The following NUP98 variants were observed in gnomAD, a reference collection of about 807,000 sequenced individuals.
NUP98 encodes the protein nucleoporin 98 and 96 precursor.
Under a neutral mutation model 191.9 loss-of-function variants are expected in NUP98, and 26 were observed. The ratio of observed to expected loss-of-function variants is 0.14; its 90% CI spans 0.10 to 0.19. The LOEUF is 0.19. Among genes scored for constraint, NUP98 ranks in the 10% least tolerant of loss-of-function variants. NUP98 has a pLI of 1.00. For missense variants in NUP98, 1,941 were observed against 2,178.8 expected, an observed-to-expected ratio of 0.89 and a Z score of 2.17; for synonymous variants, 808 against 778.4, an observed-to-expected ratio of 1.04 and a Z score of -0.63.
chr11:3,707,750 A>AAAAAAAAAAAAAAAAAAAAC (rs2078904034), intron 20 of NUP98, among the ~76,000 whole-genome samples: 2 of 149,354 alleles, frequency 1.3e-5, no homozygotes, highest in South Asian at 2.1e-4. Flanking sequence ...AAAAAAAAAA[A>AAAAAAAAAAAAAAAAAAAAC]AAAATCCTGA....
At chr11:3,773,453 A>G (rs373634451) in intron 6 of NUP98, among the ~76,000 whole-genome samples, 179 bp downstream of exon 6, 2 of 152,200 alleles carry the variant, frequency 1.3e-5, no homozygotes, top group East Asian at 3.9e-4. Flanking sequence ...ATCCCTGCCT[A>G]AACAAGTAGA....
chr11:3,680,110 T>C (rs1476794858), intron 30 of NUP98, among the ~76,000 whole-genome samples: 1 of 152,244 alleles, frequency 6.6e-6, no homozygotes, highest in Non-Finnish European at 1.5e-5. Context: ...TTGATGCTGA[T>C]GGCTGCTGAC....
intron 1 of NUP98, among the ~76,000 whole-genome samples, chr11:3,790,063 G>T (rs965071171): frequency 3.3e-5 from 5 of 152,136 alleles, no homozygotes; most frequent in Admixed American, 1.3e-4. Context: ...CATTACAGGC[G>T]TGAGCCACGG....
At chr11:3,689,263 G>A (rs943711798) in intron 28 of NUP98, among the ~76,000 whole-genome samples, 3 of 151,744 alleles carry the variant, frequency 2.0e-5, no homozygotes, top group Non-Finnish European at 4.4e-5. Flanking sequence ...GCAGTGGCTC[G>A]CGCCTGTAAT....
At position 3,762,939 on chromosome 11, in the gene NUP98, A is replaced by G. The variant is rs2081221622; in HGVS notation, c.1049T>C (p.Phe350Ser). The part of the protein sequence containing the change: ...GTAFGTGTGL[F>S]GQTNTGFGAV... ...ACCAAATCCAGTATTGGTCTGCCCA[A>G]AGAGACCTGTTCCTGTTCCAAATGC... Residue 350 changes from phenylalanine (F) to serine (S), a missense_variant, in exon 9 of 33, where the codon TTT becomes TCT. Coordinates refer to ENST00000324932, the MANE Select transcript of NUP98 (RefSeq NM_016320.5). The G allele has an allele frequency of 1.9e-6, 3 of 1,613,984 alleles. No individual in the cohort carries two copies. Among genetic ancestry groups the G allele is most frequent in the African/African-American group, 1.3e-5 (1 of 74,902 alleles).
chr11:3,733,208 T>G (rs1246610867), intron 13 of NUP98, among the ~76,000 whole-genome samples: 3 of 152,200 alleles, frequency 2.0e-5, no homozygotes, highest in Non-Finnish European at 4.4e-5. Context: ...CTCTTCCCTT[T>G]GCAACTATGA....
chr11:3,722,488 G>C (rs1050260588), intron 16 of NUP98, among the ~76,000 whole-genome samples: 2 of 151,634 alleles, frequency 1.3e-5, no homozygotes, highest in African/African-American at 4.9e-5. Context: ...ATGGCAATAA[G>C]AAAACTAAAT....
chr11:3,768,218 G>A lies in NUP98; in HGVS notation c.948+363C>T, dbSNP rs953626815. 4.6e-5 allele frequency among the ~76,000 whole-genome samples: 7 copies of A among 151,920 alleles called. No individual in the cohort carries two copies. The South Asian group carries it at 1.0e-3, about 23-fold the overall frequency. On this transcript the variant is annotated intron_variant, in intron 8 of 32. Transcript: ENST00000324932. The stretch of plus-strand genomic sequence containing the variant: ...GGGCGGATCACGAGGTCAGGAGATC[G>A]AGACCATCCTGGCAAACACGGTGAA...
At position 3,675,228 on chromosome 11, in the gene NUP98, A is replaced by C. The variant is rs35493115; in HGVS notation, c.*931T>G. The C allele has an allele frequency of 0.013, 2,892 of 217,304 alleles. 37 individuals are homozygous for C. Among genetic ancestry groups the C allele is most frequent in the Admixed American group, 0.034 (587 of 17,146 alleles). The allele number at this position is 217,304 out of a possible 1,614,324, so 13.5% of individuals were successfully genotyped here. On this transcript the variant is annotated 3_prime_UTR_variant, in exon 33 of 33. Transcript: ENST00000324932. The stretch of plus-strand genomic sequence containing the variant: ...CCTGGGGCTCCCTATAGCTGTCAGC[A>C]GTGTAGCAAAGGCCCTCTGCCTGCC...
Position 3,735,329 on chromosome 11 carries a change from T to TAAA in NUP98, c.1409-8_1409-6dup. The TAAA allele has an allele frequency of 1.6e-5, 17 of 1,079,064 alleles. No individual in the cohort carries two copies. Among genetic ancestry groups the TAAA allele is most frequent in the South Asian group, 9.2e-5 (4 of 43,288 alleles). The allele number at this position is 1,079,064 out of a possible 1,614,324, so 66.8% of individuals were successfully genotyped here. ...AAGCATTTGGATCTGTCAAAGCTTT[T>TAAA]AAAAAAAAAAAAAGAAAACAAAATA... On this transcript the variant is annotated splice_region_variant and splice_polypyrimidine_tract_variant and intron_variant, in intron 12 of 32. Coordinates refer to ENST00000324932, the MANE Select transcript of NUP98 (RefSeq NM_016320.5).
intron 18 of NUP98, among the ~76,000 whole-genome samples, chr11:3,715,421 C>T (rs897588035): frequency 6.6e-6 from 1 of 151,980 alleles, no homozygotes; most frequent in Non-Finnish European, 1.5e-5. Context: ...GCGTGAGCCA[C>T]CACGCCCGGC....
At chr11:3,713,741 A>T (rs1262341288) in intron 19 of NUP98, 77 bp downstream of exon 19, 2 of 1,372,738 alleles carry the variant, frequency 1.5e-6, no homozygotes, top group Non-Finnish European at 2.0e-6. Context: ...AATTTAGCAA[A>T]GGATCCCTTC....
At chr11:3,746,564 T>C (rs2080508883) in intron 11 of NUP98, among the ~76,000 whole-genome samples, 1 of 151,734 alleles carries the variant, frequency 6.6e-6, no homozygotes, top group Non-Finnish European at 1.5e-5. Flanking sequence ...CGATGACCCA[T>C]GAATCATTCT....
At chr11:3,691,597 A>G in intron 27 of NUP98, 108 bp from the exon 28 acceptor site, 1 of 1,090,904 alleles carries the variant, frequency 9.2e-7, no homozygotes. Context: ...TCTGTCACCC[A>G]GGCTGGAGTG....
At chr11:3,718,528 T>A (rs1179029674) in intron 18 of NUP98, among the ~76,000 whole-genome samples, 2 of 150,948 alleles carry the variant, frequency 1.3e-5, no homozygotes, top group Non-Finnish European at 3.0e-5. Context: ...GGAGTGAAAC[T>A]CTGTCTCAAA....
chr11:3,746,193 C>T lies in NUP98; in HGVS notation c.1268-1544G>A, dbSNP rs553727199. Among the ~76,000 whole-genome samples, 12 of 135,468 alleles carry T rather than the reference C, an allele frequency of 8.9e-5. No individual in the cohort carries two copies. The South Asian group carries it at 1.5e-3, about 17-fold the overall frequency. 88.9% of individuals were successfully genotyped at this position (135,468 alleles called of 152,430 possible). A position where few individuals can be genotyped will look rare whatever the true frequency, so the allele number is the denominator to read the frequency against. On this transcript the variant is annotated intron_variant, in intron 11 of 32. Transcript: ENST00000324932. Reference sequence around the variant, plus strand: ...CTGAGGCAGGAGAATCGCTTGAACCCGGGAGGTGGAGGTTGCGGTGAGCCA... The same window carrying T: ...CTGAGGCAGGAGAATCGCTTGAACCTGGGAGGTGGAGGTTGCGGTGAGCCA...
chr11:3,796,950 A>C (rs1344127019), intron 1 of NUP98, among the ~76,000 whole-genome samples: 1 of 152,190 alleles, frequency 6.6e-6, no homozygotes, highest in Non-Finnish European at 1.5e-5. Flanking sequence ...CAAACTTCGG[A>C]CTCACCCTAA....
chr11:3,729,596 G>C (rs920254265), intron 14 of NUP98, among the ~76,000 whole-genome samples: 1 of 148,380 alleles, frequency 6.7e-6, no homozygotes, highest in African/African-American at 2.5e-5. Context: ...GTGGGCCTGT[G>C]GTCTCAGCTA....
At chr11:3,726,774 C>T (rs2079636164) in intron 14 of NUP98, among the ~76,000 whole-genome samples, 1 of 151,482 alleles carries the variant, frequency 6.6e-6, no homozygotes, top group Admixed American at 6.6e-5. Context: ...ATTAGATTAC[C>T]AACTTTTCTT....
Sources: allele counts gnomAD v4.1 joint callset (sites outside exome capture counted in the v4.1 genomes callset), GRCh38; gene constraint gnomAD v4.1.1; transcripts MANE v1.5; gene names NCBI Gene and HGNC (gene_info 2026-07-23, HGNC 2026-07-21).